PFKFB2: variants seen among roughly 807,000 people sequenced by gnomAD.
The protein encoded by PFKFB2 is 6-phosphofructo-2-kinase/fructose-2,6-bisphosphatase 2.
In PFKFB2, 53 loss-of-function variants were observed where a neutral mutation model predicts 68.0. The ratio of observed to expected loss-of-function variants is 0.78; its 90% confidence interval spans 0.63 to 0.98. PFKFB2 has a LOEUF of 0.98. PFKFB2 is among the 50% of genes least tolerant of loss of function. PFKFB2 has a pLI of 0.00. For synonymous variants in PFKFB2, 222 were observed against 227.6 expected (o/e 0.98, Z 0.22); for missense variants, 451 against 642.0 (o/e 0.70, Z 3.22).
rs990417107 is a variant in PFKFB2 at position 207,076,618 on chromosome 1, T to G, written c.*4247T>G. On this transcript the variant is annotated 3_prime_UTR_variant, in exon 15 of 15. Transcript: ENST00000367080. ...GTCCAGGAGACTGTCTCTAGTTGGA[T>G]CTCTGTGCTGACTGACTGACAGACA... 5 of 352,414 alleles carry G rather than the reference T, an allele frequency of 1.4e-5. No individual in the cohort carries two copies. Among genetic ancestry groups the G allele is most frequent in the Non-Finnish European group, 1.7e-5 (5 of 290,940 alleles). The allele number at this position is 352,414 out of a possible 1,614,324, so 21.8% of individuals were successfully genotyped here. A position where few individuals can be genotyped will look rare whatever the true frequency, so the allele number is the denominator to read the frequency against.
Position 207,063,358 on chromosome 1 carries a change from C to T in PFKFB2, c.387C>T (p.Ala129=). ...EENGQIAVFD[A]TNTTRERRDM... is the part of the protein sequence containing the mutation. ...TACTTTCTTCACAGGTGTTTGATGC[C>T]ACCAATACAACCCGGGAGAGGAGGG... Residue 129 remains alanine (A), a synonymous_variant, in exon 6 of 15, where the codon GCC becomes GCT. Coordinates refer to ENST00000367080, the MANE Select transcript of PFKFB2 (RefSeq NM_006212.2). The surrounding 1 kb of genome is among the most constrained non-coding windows in gnomAD (Gnocchi z 4.1). 1 of 1,613,424 alleles carries T rather than the reference C, an allele frequency of 6.2e-7. No individual in the cohort carries two copies. Among genetic ancestry groups the T allele is most frequent in the African/African-American group, 1.3e-5 (1 of 75,004 alleles).
intron 1 of PFKFB2, among the ~76,000 whole-genome samples, chr1:207,040,705 GT>G (rs1335135568): frequency 1.3e-5 from 2 of 152,068 alleles, no homozygotes; most frequent in Non-Finnish European, 2.9e-5. Flanking sequence ...CTGCTTTTCT[GT>G]TCTTGAATGT....
upstream of PFKFB2, chr1:207,049,560 G>A (rs868552174): frequency 4.3e-6 from 7 of 1,614,094 alleles, no homozygotes; most frequent in Middle Eastern, 4.9e-4. Flanking sequence ...CTCCTCCTTC[G>A]ACGACATAGT....
chr1:207,043,053 C>T (rs1305333282), intron 2 of PFKFB2, among the ~76,000 whole-genome samples: 9 of 150,716 alleles, frequency 6.0e-5, no homozygotes, highest in Non-Finnish European at 1.5e-5. Flanking sequence ...GCATCAGAAT[C>T]GCCTGGTGGG....
chr1:207,041,281 C>T (rs920027445), intron 1 of PFKFB2, among the ~76,000 whole-genome samples: 13 of 151,324 alleles, frequency 8.6e-5, no homozygotes, highest in Non-Finnish European at 1.5e-4. Flanking sequence ...ATGTGCAGAA[C>T]GTGCAGTTTT....
At chr1:207,049,345 G>A, upstream of PFKFB2, 1 of 1,614,092 alleles carries the variant, frequency 6.2e-7, no homozygotes, top group Non-Finnish European at 8.5e-7. Flanking sequence ...TACTGTCTGT[G>A]TATCCACTAC....
In PFKFB2 at chr1:207,061,087, T is replaced by TTATATATATC. The variant is rs1558059471; in HGVS notation, c.86-864_86-855dup. ...TCTTTATATATATCTTTATATATCT[T>TTATATATATC]TATATATATCTTTATATATATCTAT... On this transcript the variant is annotated intron_variant, in intron 2 of 14. Coordinates refer to ENST00000367080, the MANE Select transcript of PFKFB2 (RefSeq NM_006212.2). 5.1e-4 allele frequency among the ~76,000 whole-genome samples: 59 copies of TTATATATATC among 114,590 alleles called. 2 individuals are homozygous for TTATATATATC. The highest frequency in any genetic ancestry group is 4.7e-4 in the African/African-American group (13 of 27,842). 75.2% of individuals were successfully genotyped at this position (114,590 alleles called of 152,430 possible).
At chr1:207,039,559 C>T (rs879350866) in intron 1 of PFKFB2, among the ~76,000 whole-genome samples, 3 of 152,118 alleles carry the variant, frequency 2.0e-5, no homozygotes, top group Non-Finnish European at 2.9e-5. Flanking sequence ...CAAATTCTTA[C>T]GAAACCCTTC....
chr1:207,049,149 T>C, upstream of PFKFB2: 1 of 1,614,050 alleles, frequency 6.2e-7, no homozygotes, highest in East Asian at 2.2e-5. Flanking sequence ...ACTGTCTCCT[T>C]CTTCTAGCTT....
chr1:207,049,033 A>T (rs1682665799), upstream of PFKFB2: 3 of 1,613,214 alleles, frequency 1.9e-6, no homozygotes, highest in Non-Finnish European at 2.5e-6. Flanking sequence ...CACTTCTCCA[A>T]AGTTGGTATG....
At chr1:207,058,415 C>G (rs556838327) in intron 2 of PFKFB2, among the ~76,000 whole-genome samples, 40 of 152,292 alleles carry the variant, frequency 2.6e-4, no homozygotes, top group African/African-American at 9.6e-4. Context: ...GAACCTTTGT[C>G]AAGTGCTGAC....
Position 207,072,892 on chromosome 1 carries a change from T to C in PFKFB2, c.*521T>C. The C allele has an allele frequency of 1.0e-6, 1 of 987,038 alleles. No homozygotes were observed. Among genetic ancestry groups the C allele is most frequent in the Non-Finnish European group, 1.2e-6 (1 of 831,108 alleles). 61.1% of individuals were successfully genotyped at this position (987,038 alleles called of 1,614,324 possible). A position where few individuals can be genotyped will look rare whatever the true frequency, so the allele number is the denominator to read the frequency against. On this transcript the variant is annotated 3_prime_UTR_variant, in exon 15 of 15. Coordinates refer to ENST00000367080, the MANE Select transcript of PFKFB2 (RefSeq NM_006212.2). ...CATGTCCCCTCTGGATTGTCCAGTG[T>C]AATGCATGGCATTGTGGTGTCTGTC...
chr1:207,036,874 T>A (rs778707546), intron 1 of PFKFB2, among the ~76,000 whole-genome samples: 31 of 152,226 alleles, frequency 2.0e-4, no homozygotes, highest in Non-Finnish European at 2.8e-4. Context: ...TTACCACACA[T>A]CCAACTGCTT....
chr1:207,073,471 C>T lies in PFKFB2; in HGVS notation c.*1100C>T. ...GGCAGAGAAGAGTTCACTAAAACTG[C>T]TTATTTTTGAATAATTTCAGCACAC... On this transcript the variant is annotated 3_prime_UTR_variant, in exon 15 of 15. Coordinates refer to ENST00000367080, the MANE Select transcript of PFKFB2 (RefSeq NM_006212.2). 1.0e-6 allele frequency: 1 copy of T among 985,390 alleles called. No individual in the cohort carries two copies. The highest frequency in any genetic ancestry group is 1.2e-6 in the Non-Finnish European group (1 of 829,912). 61.0% of individuals were successfully genotyped at this position (985,390 alleles called of 1,614,324 possible). A position where few individuals can be genotyped will look rare whatever the true frequency, so the allele number is the denominator to read the frequency against.
chr1:207,042,144 CTTCTT>C (rs1251755271), intron 1 of PFKFB2: 1 of 152,176 alleles, frequency 6.6e-6, no homozygotes, highest in Non-Finnish European at 1.5e-5. Context: ...ATGTCAATCT[CTTCTT>C]TTCCCCCTCA....
intron 2 of PFKFB2, among the ~76,000 whole-genome samples, chr1:207,042,421 G>A (rs1162962429): frequency 2.0e-5 from 3 of 151,462 alleles, no homozygotes; most frequent in Non-Finnish European, 2.9e-5. Context: ...GGTGGTGGGC[G>A]CCTGTAGTCC....
At chr1:207,061,099 TTATATATATC>T (rs1174424066) in intron 2 of PFKFB2, among the ~76,000 whole-genome samples, 1 of 71,432 alleles carries the variant, frequency 1.4e-5, no homozygotes, top group African/African-American at 6.3e-5. Flanking sequence ...ATATATATCT[TTATATATATC>T]TATATATCTT....
intron 1 of PFKFB2, among the ~76,000 whole-genome samples, chr1:207,040,635 A>T (rs540495113): frequency 2.6e-5 from 4 of 152,336 alleles, no homozygotes; most frequent in Non-Finnish European, 5.9e-5. Flanking sequence ...AAAATTTATA[A>T]ACAAAATAGA....
At position 207,077,423 on chromosome 1, in the gene PFKFB2, C is replaced by A; in HGVS notation, c.*5052C>A. 15 of 985,194 alleles carry A rather than the reference C, an allele frequency of 1.5e-5. No individual in the cohort carries two copies. Among genetic ancestry groups the A allele is most frequent in the Non-Finnish European group, 1.8e-5 (15 of 829,768 alleles). 61.0% of individuals were successfully genotyped at this position (985,194 alleles called of 1,614,324 possible). A position where few individuals can be genotyped will look rare whatever the true frequency, so the allele number is the denominator to read the frequency against. ...GTTTACCTACGCAATGTTTTTGTAT[C>A]TGAATTGCTTATGTACGTTTTTTAT... On this transcript the variant is annotated 3_prime_UTR_variant, in exon 15 of 15. Transcript: ENST00000367080.
Sources: allele counts gnomAD v4.1 joint callset (sites outside exome capture counted in the v4.1 genomes callset), GRCh38; gene constraint gnomAD v4.1.1; non-coding constraint Gnocchi (gnomAD v3.1); transcripts MANE v1.5; gene names NCBI Gene and HGNC (gene_info 2026-07-23, HGNC 2026-07-21).